Variants in MEIS1 observed in about 807,000 individuals in gnomAD.
MEIS1 encodes homeobox protein Meis1.
A neutral mutation model predicts 50.8 loss-of-function variants in MEIS1; 5 were observed. The observed-to-expected ratio is 0.10, with a 90% CI of 0.05 to 0.21. The LOEUF is 0.21. MEIS1 is among the 10% of genes least tolerant of loss of function. The probability of loss-of-function intolerance (pLI) is 1.00; values close to 1 mark genes in which losing one functional copy is unlikely to be tolerated. For synonymous variants in MEIS1, 176 were observed against 179.3 expected, an observed-to-expected ratio of 0.98 and a Z score of 0.15; for missense variants, 318 against 517.3, an observed-to-expected ratio of 0.61 and a Z score of 3.74.
rs75944463 is a variant in MEIS1, at chr2:66,545,551, A to G, written c.889-2392A>G. Among the ~76,000 whole-genome samples the G allele has an allele frequency of 8.2e-3, 1,256 of 152,314 alleles. 45 individuals are homozygous for G. The East Asian group carries it at 0.11, about 13-fold the overall frequency. On this transcript the variant is annotated intron_variant, in intron 8 of 12. Coordinates refer to ENST00000272369, the MANE Select transcript of MEIS1 (RefSeq NM_002398.3). The stretch of plus-strand genomic sequence containing the variant: ...AATGAGTGGCAGCATCATTTATACA[A>G]TCTAATAGAGTCACCTATATTAGGT...
chr2:66,498,025 A>C (rs979499766), intron 7 of MEIS1, among the ~76,000 whole-genome samples: 3 of 151,838 alleles, frequency 2.0e-5, no homozygotes, highest in Middle Eastern at 3.2e-3. Flanking sequence ...ATAGAAAAAA[A>C]ATGGTATGCC....
At chr2:66,440,427 G>T (rs1316793613) in intron 3 of MEIS1, 135 bp from the exon 4 acceptor site, 10 of 748,504 alleles carry the variant, frequency 1.3e-5, no homozygotes, top group African/African-American at 3.5e-5. Context: ...CGGTGTCACC[G>T]GGTCCCTCCC....
chr2:66,540,012 G>A (rs1674613434), intron 8 of MEIS1, among the ~76,000 whole-genome samples: 1 of 152,176 alleles, frequency 6.6e-6, no homozygotes, highest in African/African-American at 2.4e-5. Flanking sequence ...GGCAGTGGGA[G>A]TGTAGCCAAG....
At chr2:66,474,743 T>G (rs1432462226) in intron 7 of MEIS1, among the ~76,000 whole-genome samples, 1 of 152,208 alleles carries the variant, frequency 6.6e-6, no homozygotes, top group Non-Finnish European at 1.5e-5. Flanking sequence ...TACAATTAGT[T>G]TGGCTTTCTC....
At chr2:66,463,477 A>G (rs746531361) in intron 6 of MEIS1, among the ~76,000 whole-genome samples, 2 of 152,186 alleles carry the variant, frequency 1.3e-5, no homozygotes, top group Non-Finnish European at 2.9e-5. Context: ...AGTGATAAGA[A>G]GCAACATCTG....
intron 7 of MEIS1, among the ~76,000 whole-genome samples, chr2:66,494,728 G>T (rs2139246): frequency 6.6e-6 from 1 of 152,030 alleles, no homozygotes; most frequent in African/African-American, 2.4e-5. Flanking sequence ...ATATGATCTC[G>T]CTTGTTCCTC....
intron 12 of MEIS1, chr2:66,569,927 C>T (rs1239401055): frequency 6.6e-6 from 1 of 152,478 alleles, no homozygotes; most frequent in Non-Finnish European, 1.5e-5. Flanking sequence ...GATTCTCACT[C>T]TTGCATTTTC....
At chr2:66,485,611 AC>A (rs1456215799) in intron 7 of MEIS1, among the ~76,000 whole-genome samples, 1 of 152,228 alleles carries the variant, frequency 6.6e-6, no homozygotes, top group Non-Finnish European at 1.5e-5. Context: ...TTGGGAATAT[AC>A]CCAGTAATGG....
At chr2:66,526,571 A>G (rs967914833) in intron 8 of MEIS1, among the ~76,000 whole-genome samples, 2 of 152,346 alleles carry the variant, frequency 1.3e-5, no homozygotes, top group Admixed American at 1.3e-4. Flanking sequence ...TCTGGAAGCC[A>G]TGGGAGCTAG....
intron 4 of MEIS1, 188 bp downstream of exon 4, chr2:66,440,800 C>G: frequency 1.7e-6 from 1 of 581,090 alleles, no homozygotes; most frequent in Non-Finnish European, 3.1e-6. Flanking sequence ...AAATTCATCT[C>G]GAGAGGGGCC....
chr2:66,503,662 C>T (rs1382603567), intron 7 of MEIS1, among the ~76,000 whole-genome samples: 1 of 85,598 alleles, frequency 1.2e-5, no homozygotes, highest in Non-Finnish European at 2.1e-5. Context: ...GTGTTTGGGA[C>T]ATCAATAGGT....
chr2:66,446,097 G>C (rs1015821018), intron 6 of MEIS1, among the ~76,000 whole-genome samples: 2 of 152,108 alleles, frequency 1.3e-5, no homozygotes, highest in Non-Finnish European at 2.9e-5. Flanking sequence ...CGAGGTCCCG[G>C]CTGCGACCCC....
At position 66,509,112 on chromosome 2, in the gene MEIS1, GA is replaced by G. The variant is rs369648955; in HGVS notation, c.743-3034del. 728 of 469,188 alleles carry G rather than the reference GA, an allele frequency of 1.6e-3. 5 individuals are homozygous for G. The highest frequency in any genetic ancestry group is 0.014 in the African/African-American group (679 of 50,064). 29.1% of individuals were successfully genotyped at this position (469,188 alleles called of 1,614,324 possible). A position where few individuals can be genotyped will look rare whatever the true frequency, so the allele number is the denominator to read the frequency against. On this transcript the variant is annotated intron_variant, in intron 7 of 12. Coordinates refer to ENST00000272369, the MANE Select transcript of MEIS1 (RefSeq NM_002398.3). ...ACTATATCAAATTGCGGAGTGAATG[GA>G]AATGCTAAAGGTACAATTGACCATT...
intron 7 of MEIS1, among the ~76,000 whole-genome samples, chr2:66,508,582 T>C (rs1057053761): frequency 3.3e-5 from 5 of 152,234 alleles, no homozygotes; most frequent in Admixed American, 6.5e-5. Context: ...CCGCTGCCTC[T>C]GCATAGCCAA....
Position 66,512,156 on chromosome 2 carries a change from C to A in MEIS1, c.750C>A (p.Gly250=). 1 of 1,578,078 alleles carries A rather than the reference C, an allele frequency of 6.3e-7. No individual in the cohort carries two copies. The highest frequency in any genetic ancestry group is 8.6e-7 in the Non-Finnish European group (1 of 1,158,832). Residue 250 remains glycine, a synonymous_variant, in exon 8 of 13, where the codon GGC becomes GGA. Coordinates refer to ENST00000272369, the MANE Select transcript of MEIS1 (RefSeq NM_002398.3). ...SGDNSSEQGD[G]LDNSVASPST... ...GATTCGCTATGTTTGCAGGTGATGG[C>A]TTGGACAACAGTGTAGCTTCCCCCA...
chr2:66,536,880 C>T (rs982649433), intron 8 of MEIS1, among the ~76,000 whole-genome samples: 9 of 149,698 alleles, frequency 6.0e-5, no homozygotes, highest in Non-Finnish European at 1.2e-4. Context: ...AAAGTGCATT[C>T]TCTCTCTCTC....
At chr2:66,501,955 G>A (rs1437593533) in intron 7 of MEIS1, among the ~76,000 whole-genome samples, 1 of 151,506 alleles carries the variant, frequency 6.6e-6, no homozygotes, top group Non-Finnish European at 1.5e-5. Flanking sequence ...TTTTCACCCA[G>A]TTATGTTTTA....
At chr2:66,526,640 T>C (rs1285242814) in intron 8 of MEIS1, among the ~76,000 whole-genome samples, 8 of 152,194 alleles carry the variant, frequency 5.3e-5, no homozygotes, top group Non-Finnish European at 1.2e-4. Context: ...CTACTCTTTG[T>C]TTGGGTGTAG....
chr2:66,520,449 CCAGCCTGGGTGACAG>C (rs1199589955), intron 8 of MEIS1, among the ~76,000 whole-genome samples: 44 of 151,654 alleles, frequency 2.9e-4, no homozygotes, highest in African/African-American at 1.1e-3. Flanking sequence ...CTACTGCACT[CCAGCCTGGGTGACAG>C]AGAAAGACTC....
Sources: allele counts gnomAD v4.1 joint callset (sites outside exome capture counted in the v4.1 genomes callset), GRCh38; gene constraint gnomAD v4.1.1; transcripts MANE v1.5; gene names NCBI Gene and HGNC (gene_info 2026-07-23, HGNC 2026-07-21).